Variants in SLC4A10 observed in about 807,000 individuals in gnomAD.
SLC4A10 encodes solute carrier family 4 member 10.
Under a neutral mutation model 137.7 loss-of-function variants are expected in SLC4A10, and 42 were observed. That is an observed-to-expected ratio of 0.30 (90% confidence interval 0.24 to 0.39). The LOEUF (loss-of-function observed/expected upper bound fraction) is 0.39. Ranked by LOEUF, SLC4A10 falls within the 10% of genes least tolerant of loss-of-function variation. The probability of loss-of-function intolerance (pLI) is 1.00; values close to 1 mark genes in which losing one functional copy is unlikely to be tolerated. For missense variants in SLC4A10, 925 were observed against 1,355.0 expected, an observed-to-expected ratio of 0.68 and a Z score of 4.98; for synonymous variants, 474 against 464.1, an observed-to-expected ratio of 1.02 and a Z score of -0.27.
At chr2:161,906,026 G>C in intron 15 of SLC4A10, 139 bp downstream of exon 15, 1 of 1,128,992 alleles carries the variant, frequency 8.9e-7, no homozygotes, top group Non-Finnish European at 1.2e-6. Context: ...TCTCAGAGTC[G>C]AACAGGATTT....
intron 1 of SLC4A10, among the ~76,000 whole-genome samples, chr2:161,743,573 T>G (rs1271764496): frequency 6.6e-6 from 1 of 151,576 alleles, no homozygotes; most frequent in Non-Finnish European, 1.5e-5. Flanking sequence ...GTTTTTTTTG[T>G]TTGTTTGTTT....
chr2:161,980,143 A>G (rs1020550568), intron 26 of SLC4A10, among the ~76,000 whole-genome samples: 4 of 152,176 alleles, frequency 2.6e-5, no homozygotes, highest in Non-Finnish European at 5.9e-5. Flanking sequence ...ACTGATGCCC[A>G]AGATCAGTGT....
intron 1 of SLC4A10, among the ~76,000 whole-genome samples, chr2:161,730,342 A>G (rs923761144): frequency 6.6e-6 from 1 of 152,226 alleles, no homozygotes; most frequent in African/African-American, 2.4e-5. Flanking sequence ...AAACAAATGC[A>G]TTGAAATAAT....
At chr2:161,735,464 A>G (rs1313344602) in intron 1 of SLC4A10, among the ~76,000 whole-genome samples, 1 of 152,138 alleles carries the variant, frequency 6.6e-6, no homozygotes, top group Non-Finnish European at 1.5e-5. Flanking sequence ...ACTTAATTTA[A>G]TACAATATGA....
At chr2:161,942,437 T>A (rs184391210) in intron 15 of SLC4A10, among the ~76,000 whole-genome samples, 1 of 152,206 alleles carries the variant, frequency 6.6e-6, no homozygotes, top group Non-Finnish European at 1.5e-5. Context: ...ATCTTCAGAA[T>A]ATGAATTAAA....
At chr2:161,948,474 G>A (rs1305776371) in intron 17 of SLC4A10, among the ~76,000 whole-genome samples, 1 of 152,026 alleles carries the variant, frequency 6.6e-6, no homozygotes, top group African/African-American at 2.4e-5. Context: ...ATTTTTCTAA[G>A]CTGAAACAAT....
intron 1 of SLC4A10, among the ~76,000 whole-genome samples, chr2:161,759,925 C>T (rs2050074096): frequency 6.6e-6 from 1 of 151,762 alleles, no homozygotes; most frequent in Admixed American, 6.6e-5. Flanking sequence ...CCTAGAGTAA[C>T]AAAAAAATAC....
At chr2:161,653,856 T>C (rs1372918099) in intron 1 of SLC4A10, among the ~76,000 whole-genome samples, 1 of 152,236 alleles carries the variant, frequency 6.6e-6, no homozygotes, top group Non-Finnish European at 1.5e-5. Flanking sequence ...AATATGGGAA[T>C]GCAGGCATGT....
intron 1 of SLC4A10, among the ~76,000 whole-genome samples, chr2:161,700,507 A>T (rs1165942591): frequency 6.6e-6 from 1 of 152,130 alleles, no homozygotes; most frequent in African/African-American, 2.4e-5. Flanking sequence ...TTTTTAAATG[A>T]TCCATTGGAT....
chr2:161,849,706 T>G (rs1248314143), intron 4 of SLC4A10, among the ~76,000 whole-genome samples: 1 of 152,230 alleles, frequency 6.6e-6, no homozygotes, highest in Non-Finnish European at 1.5e-5. Context: ...ATAACATTTA[T>G]TGATTTGCAT....
At chr2:161,889,242 T>G (rs984572397) in intron 10 of SLC4A10, among the ~76,000 whole-genome samples, 1 of 152,140 alleles carries the variant, frequency 6.6e-6, no homozygotes, top group Non-Finnish European at 1.5e-5. Context: ...GGCCTGAAAT[T>G]TTCTTTTTTT....
intron 1 of SLC4A10, among the ~76,000 whole-genome samples, chr2:161,736,516 G>A (rs1026925643): frequency 1.3e-5 from 2 of 152,194 alleles, no homozygotes; most frequent in Non-Finnish European, 2.9e-5. Context: ...TACAGTCATG[G>A]TGGAAGGGGA....
At chr2:161,947,539 C>T in intron 16 of SLC4A10, 27 bp from the exon 17 acceptor site, 1 of 1,600,586 alleles carries the variant, frequency 6.2e-7, no homozygotes, top group Non-Finnish European at 8.5e-7. Flanking sequence ...TTCTTAGTAG[C>T]TCCATTTGTT....
chr2:161,878,879 G>A (rs189416199), intron 8 of SLC4A10, among the ~76,000 whole-genome samples: 1 of 152,184 alleles, frequency 6.6e-6, no homozygotes, highest in East Asian at 1.9e-4. Flanking sequence ...GATTGTTGAG[G>A]CTGGAGAAAC....
At chr2:161,660,836 T>A (rs1351963856) in intron 1 of SLC4A10, among the ~76,000 whole-genome samples, 1 of 151,210 alleles carries the variant, frequency 6.6e-6, no homozygotes, top group Admixed American at 6.6e-5. Flanking sequence ...TTTTTATTTT[T>A]ATTTTTAGTA....
chr2:161,869,816 TTAAC>T (rs1458181580), intron 6 of SLC4A10, among the ~76,000 whole-genome samples: 3 of 151,660 alleles, frequency 2.0e-5, no homozygotes, highest in Non-Finnish European at 4.4e-5. Flanking sequence ...CGCCTATCAT[TTAAC>T]TACTGCTCTG....
intron 1 of SLC4A10, chr2:161,710,832 T>A: frequency 2.9e-6 from 1 of 347,424 alleles, no homozygotes; most frequent in Non-Finnish European, 5.8e-6. Context: ...TGATACTGTA[T>A]GTATTTGGTG....
intron 1 of SLC4A10, among the ~76,000 whole-genome samples, chr2:161,729,317 C>A (rs2046583056): frequency 6.6e-6 from 1 of 152,118 alleles, no homozygotes; most frequent in African/African-American, 2.4e-5. Context: ...CCTCCCCCAA[C>A]CAAACTCATA....
At chr2:161,804,897 A>T (rs921300294) in intron 3 of SLC4A10, among the ~76,000 whole-genome samples, 4 of 152,178 alleles carry the variant, frequency 2.6e-5, no homozygotes, top group African/African-American at 9.7e-5. Context: ...TTGAAAATCC[A>T]GGGCAAAATG....
Sources: allele counts gnomAD v4.1 joint callset (sites outside exome capture counted in the v4.1 genomes callset), GRCh38; gene constraint gnomAD v4.1.1; transcripts MANE v1.5; gene names NCBI Gene and HGNC (gene_info 2026-07-23, HGNC 2026-07-21).